CDC42SE2: variants seen among roughly 807,000 people sequenced by gnomAD.
CDC42SE2 encodes CDC42 small effector 2.
Under a neutral mutation model 11.5 loss-of-function variants are expected in CDC42SE2, and 3 were observed. The ratio of observed to expected loss-of-function variants is 0.26; its 90% CI spans 0.12 to 0.67. The LOEUF is 0.67. CDC42SE2 is among the 30% of genes least tolerant of loss of function. The pLI is 0.80. For synonymous variants in CDC42SE2, 33 were observed against 34.8 expected, an observed-to-expected ratio of 0.95 and a Z score of 0.18; for missense variants, 82 against 106.8, an observed-to-expected ratio of 0.77 and a Z score of 1.02.
chr5:131,341,057 C>A (rs780119497), intron 2 of CDC42SE2, among the ~76,000 whole-genome samples: 1 of 152,114 alleles, frequency 6.6e-6, no homozygotes, highest in Non-Finnish European at 1.5e-5. Context: ...AATCAATTGG[C>A]AAATTTGGAA....
chr5:131,336,386 C>T (rs915568979), intron 2 of CDC42SE2, among the ~76,000 whole-genome samples: 1 of 152,230 alleles, frequency 6.6e-6, no homozygotes, highest in African/African-American at 2.4e-5. Flanking sequence ...CAACCTTTCT[C>T]TCTGGCTGCC....
At chr5:131,287,260 G>A (rs1277162061) in intron 1 of CDC42SE2, among the ~76,000 whole-genome samples, 1 of 152,136 alleles carries the variant, frequency 6.6e-6, no homozygotes, top group Non-Finnish European at 1.5e-5. Context: ...CTCCCAAAGT[G>A]CTGGGATTAC....
chr5:131,361,413 G>T (rs1424707321), intron 3 of CDC42SE2, among the ~76,000 whole-genome samples: 1 of 152,148 alleles, frequency 6.6e-6, no homozygotes. Flanking sequence ...CATGCGATGG[G>T]GGTGTGGCTC....
intron 2 of CDC42SE2, among the ~76,000 whole-genome samples, chr5:131,342,581 G>A (rs1199286474): frequency 6.6e-6 from 1 of 151,572 alleles, no homozygotes. Context: ...GTAGAGATGG[G>A]ATTTCACCAT....
intron 3 of CDC42SE2, among the ~76,000 whole-genome samples, chr5:131,378,145 G>C (rs1750208934): frequency 6.6e-6 from 1 of 152,198 alleles, no homozygotes; most frequent in South Asian, 2.1e-4. Flanking sequence ...CCTCAACTCG[G>C]AATGTTTATG....
At chr5:131,324,683 C>A (rs1418213396) in intron 2 of CDC42SE2, among the ~76,000 whole-genome samples, 1 of 151,064 alleles carries the variant, frequency 6.6e-6, no homozygotes, top group East Asian at 1.9e-4. Flanking sequence ...TTTTTCCACA[C>A]ATTTTTTTTA....
intron 3 of CDC42SE2, among the ~76,000 whole-genome samples, chr5:131,368,869 A>G (rs892181777): frequency 2.6e-5 from 4 of 152,202 alleles, no homozygotes; most frequent in Admixed American, 6.5e-5. Context: ...CATAACCACA[A>G]TACCATTATA....
At chr5:131,360,128 G>GT (rs1408822321) in intron 3 of CDC42SE2, among the ~76,000 whole-genome samples, 2 of 152,086 alleles carry the variant, frequency 1.3e-5, no homozygotes, top group Non-Finnish European at 2.9e-5. Flanking sequence ...TCCAAATTCT[G>GT]TTTTTTATTA....
intron 3 of CDC42SE2, among the ~76,000 whole-genome samples, chr5:131,381,118 A>T (rs1484931410): frequency 6.6e-6 from 1 of 151,958 alleles, no homozygotes; most frequent in Non-Finnish European, 1.5e-5. Context: ...CTGCCCAACC[A>T]CAGAAATTTA....
At chr5:131,244,422 A>G (rs1756563339), upstream of CDC42SE2, among the ~76,000 whole-genome samples, 1 of 152,198 alleles carries the variant, frequency 6.6e-6, no homozygotes, top group African/African-American at 2.4e-5. Context: ...CACAAAAAAC[A>G]TCTTCAGGCC....
At chr5:131,211,020 T>C in the CDC42SE2 span, among the ~76,000 whole-genome samples, 2 of 152,206 alleles carry the variant, frequency 1.3e-5, no homozygotes, top group African/African-American at 4.8e-5. Flanking sequence ...GTATTTTTAG[T>C]AGAGATGAGG....
chr5:131,311,664 A>T (rs1159398109), intron 1 of CDC42SE2, among the ~76,000 whole-genome samples: 1 of 151,698 alleles, frequency 6.6e-6, no homozygotes, highest in Non-Finnish European at 1.5e-5. Flanking sequence ...TTTTCTCTGA[A>T]CTTCCCTTCT....
intron 1 of CDC42SE2, among the ~76,000 whole-genome samples, chr5:131,306,868 A>G (rs1373259164): frequency 6.6e-6 from 1 of 151,986 alleles, no homozygotes; most frequent in Admixed American, 6.6e-5. Context: ...AATAGAATTG[A>G]TTTCTTAATT....
At chr5:131,342,719 TA>T (rs951838974) in intron 2 of CDC42SE2, among the ~76,000 whole-genome samples, 4 of 151,840 alleles carry the variant, frequency 2.6e-5, no homozygotes, top group Admixed American at 6.6e-5. Context: ...GATTCTTTTT[TA>T]TTTTTTTTTT....
rs1027408398 is a variant in CDC42SE2 at position 131,308,251 on chromosome 5, T to C, written c.-454-7725T>C. ...CTCAGGTTTGTCAAAGATCAGATAGTTGTAGATATGCGGCGTTATTTCTGA... is the reference window on the plus strand; with the variant it reads ...CTCAGGTTTGTCAAAGATCAGATAGCTGTAGATATGCGGCGTTATTTCTGA... On this transcript the variant is annotated intron_variant, in intron 1 of 4. Coordinates refer to ENST00000505065, the MANE Select transcript of CDC42SE2 (RefSeq NM_001375635.1). Among the ~76,000 whole-genome samples the C allele has an allele frequency of 9.2e-5, 14 of 152,258 alleles. 1 individual carries two copies. In the South Asian group the frequency reaches 1.9e-3, roughly 20 times the overall value.
At chr5:131,355,052 G>A (rs530687126) in intron 2 of CDC42SE2, among the ~76,000 whole-genome samples, 1 of 152,112 alleles carries the variant, frequency 6.6e-6, no homozygotes, top group Non-Finnish European at 1.5e-5. Context: ...AAATTTTTCA[G>A]ATTTAGGGTG....
chr5:131,300,986 G>A (rs1486605319), intron 1 of CDC42SE2, among the ~76,000 whole-genome samples: 1 of 152,040 alleles, frequency 6.6e-6, no homozygotes, highest in Non-Finnish European at 1.5e-5. Context: ...CTCTGAGGTG[G>A]CATTGTCTTC....
At chr5:131,271,002 T>G (rs1221166919) in intron 1 of CDC42SE2, among the ~76,000 whole-genome samples, 1 of 152,162 alleles carries the variant, frequency 6.6e-6, no homozygotes, top group East Asian at 1.9e-4. Context: ...TGATCTGGCA[T>G]TTTTGCCTTC....
chr5:131,342,599 A>T (rs1246495433), intron 2 of CDC42SE2, among the ~76,000 whole-genome samples: 2 of 151,890 alleles, frequency 1.3e-5, no homozygotes, highest in Non-Finnish European at 2.9e-5. Flanking sequence ...CATATTGGCC[A>T]GGCTGGTCTT....
Sources: gnomAD v4.1 joint callset for allele counts (sites outside exome capture counted in the v4.1 genomes callset) on GRCh38, gnomAD v4.1.1 for gene constraint, MANE v1.5 for transcripts, NCBI Gene and HGNC (gene_info 2026-07-23, HGNC 2026-07-21) for gene names.